Variants in PKHD1 observed in about 807,000 individuals in gnomAD.
PKHD1 encodes fibrocystin.
In PKHD1, 291 loss-of-function variants were observed where a neutral mutation model predicts 412.0. The observed-to-expected ratio is 0.71, with a 90% CI of 0.64 to 0.78. PKHD1 has a LOEUF of 0.78. Ranked by LOEUF, PKHD1 falls within the 30% of genes least tolerant of loss-of-function variation. The probability of loss-of-function intolerance (pLI) is 0.00; values close to 1 mark genes in which losing one functional copy is unlikely to be tolerated. For missense variants in PKHD1, 4,825 were observed against 4,950.7 expected (o/e 0.97, Z 0.76); for synonymous variants, 1,777 against 1,821.5 (o/e 0.98, Z 0.62).
intron 60 of PKHD1, among the ~76,000 whole-genome samples, chr6:51,709,931 G>A (rs12214235): frequency 6.6e-6 from 1 of 151,124 alleles, no homozygotes; most frequent in African/African-American, 2.4e-5. Context: ...GGAATTGGCT[G>A]GGCACGGTGG....
intron 52 of PKHD1, among the ~76,000 whole-genome samples, chr6:51,816,419 A>G (rs572740768): frequency 6.6e-6 from 1 of 152,318 alleles, no homozygotes; most frequent in African/African-American, 2.4e-5. Context: ...AGAGGAAAAG[A>G]GATAAGGAGA....
In PKHD1 at chr6:52,024,266, G is replaced by A. The variant is rs775508563; in HGVS notation, c.5236+308C>T. Among the ~76,000 whole-genome samples, 132 of 152,276 alleles carry A rather than the reference G, an allele frequency of 8.7e-4. 1 individual carries two copies. The highest frequency in any genetic ancestry group is 5.9e-4 in the Non-Finnish European group (40 of 68,016). On this transcript the variant is annotated intron_variant, in intron 32 of 66. Transcript: ENST00000371117. Reference sequence around the variant, plus strand: ...GGTGAAGGCATTTACGTTCTTAAATGATCAAATTATGAGCTCTTACAAATG... The same window carrying A: ...GGTGAAGGCATTTACGTTCTTAAATAATCAAATTATGAGCTCTTACAAATG...
chr6:51,793,305 G>A (rs188618753), intron 52 of PKHD1, among the ~76,000 whole-genome samples: 1 of 152,110 alleles, frequency 6.6e-6, no homozygotes, highest in Non-Finnish European at 1.5e-5. Context: ...AGCAAAATTT[G>A]TAAAAACAAG....
At chr6:51,696,727 C>G (rs609681) in intron 60 of PKHD1, among the ~76,000 whole-genome samples, 131,966 of 152,168 alleles carry the variant, frequency 0.87, 57,848 homozygotes, top group Middle Eastern at 0.95. Flanking sequence ...CCCTAGAGAA[C>G]TGTGCGTGGG....
intron 66 of PKHD1, among the ~76,000 whole-genome samples, chr6:51,623,658 A>G (rs1479945652): frequency 1.3e-5 from 2 of 152,092 alleles, no homozygotes; most frequent in Non-Finnish European, 2.9e-5. Flanking sequence ...ATCTTGGCCC[A>G]CTGCGCCCTC....
chr6:52,079,580 C>T (rs533161703), intron 5 of PKHD1, among the ~76,000 whole-genome samples: 2 of 152,224 alleles, frequency 1.3e-5, no homozygotes, highest in African/African-American at 2.4e-5. Context: ...CCATTTACTG[C>T]CTGATGACAT....
At chr6:51,622,945 T>C (rs1422149543) in intron 66 of PKHD1, 3 of 152,188 alleles carry the variant, frequency 2.0e-5, no homozygotes, top group African/African-American at 7.2e-5. Flanking sequence ...TACCTATATA[T>C]GATATCTATA....
intron 22 of PKHD1, among the ~76,000 whole-genome samples, chr6:52,048,835 T>C (rs1316891677): frequency 3.9e-5 from 6 of 152,240 alleles, no homozygotes; most frequent in Admixed American, 2.0e-4. Flanking sequence ...GCTAAAAACG[T>C]TGGCATTTAG....
intron 55 of PKHD1, among the ~76,000 whole-genome samples, chr6:51,770,419 C>T (rs548838748): frequency 6.6e-6 from 1 of 151,582 alleles, no homozygotes; most frequent in African/African-American, 2.4e-5. Flanking sequence ...TATTCTTATC[C>T]AATATTTAAC....
At chr6:51,649,927 C>CTA (rs1456632106) in intron 61 of PKHD1, among the ~76,000 whole-genome samples, 20 of 152,126 alleles carry the variant, frequency 1.3e-4, no homozygotes, top group African/African-American at 4.6e-4. Flanking sequence ...TGAGCACATA[C>CTA]TATATACCAA....
chr6:52,000,643 GA>G (rs1169283319), intron 35 of PKHD1, among the ~76,000 whole-genome samples: 1 of 152,188 alleles, frequency 6.6e-6, no homozygotes, highest in Non-Finnish European at 1.5e-5. Context: ...ACTGAGCACA[GA>G]AACTGTTATT....
At chr6:51,908,021 A>T (rs1202278393) in intron 40 of PKHD1, among the ~76,000 whole-genome samples, 3 of 152,118 alleles carry the variant, frequency 2.0e-5, no homozygotes, top group African/African-American at 7.2e-5. Context: ...TTGATAACTT[A>T]TTTGTGACAG....
At chr6:51,668,029 G>A (rs1188177289) in intron 60 of PKHD1, among the ~76,000 whole-genome samples, 2 of 152,044 alleles carry the variant, frequency 1.3e-5, no homozygotes, top group African/African-American at 4.8e-5. Flanking sequence ...GGTGATGCAG[G>A]CTCTTTTTTG....
At chr6:52,042,762 T>C (rs1805119031) in intron 27 of PKHD1, 97 bp downstream of exon 27, 1 of 1,100,588 alleles carries the variant, frequency 9.1e-7, no homozygotes, top group African/African-American at 1.5e-5. Context: ...TGAGTCACAG[T>C]GAATATGGAA....
intron 13 of PKHD1, among the ~76,000 whole-genome samples, chr6:52,064,333 G>A (rs922631334): frequency 6.6e-6 from 1 of 152,212 alleles, no homozygotes; most frequent in Non-Finnish European, 1.5e-5. Context: ...AAGTGCTCCA[G>A]TATTGTGCTC....
Position 51,746,755 on chromosome 6 carries a change from T to TA in PKHD1, c.9963dup (p.Lys3322Ter). On this transcript the variant is annotated frameshift_variant, in exon 59 of 67. Transcript: ENST00000371117. LOFTEE classifies it high-confidence loss of function. ...AATGAAGGAAAGTAGAACTTGTTTT[T>TA]ATCTTTTATCTTTAGCATCCTGGTC... is the stretch of plus-strand genomic sequence containing the variant. 1 of 1,610,418 alleles carries TA rather than the reference T, an allele frequency of 6.2e-7. No homozygotes were observed. The highest frequency in any genetic ancestry group is 8.5e-7 in the Non-Finnish European group (1 of 1,176,818).
chr6:51,668,641 C>T (rs1051870547), intron 60 of PKHD1, among the ~76,000 whole-genome samples: 26 of 152,212 alleles, frequency 1.7e-4, no homozygotes, highest in African/African-American at 5.3e-4. Flanking sequence ...AAAGGGAATG[C>T]TTCCAATTTT....
intron 55 of PKHD1, among the ~76,000 whole-genome samples, chr6:51,768,091 GT>G (rs1789436159): frequency 6.6e-6 from 1 of 151,854 alleles, no homozygotes; most frequent in Admixed American, 6.6e-5. Context: ...TTTTTCATGT[GT>G]TTTTTGGCTG....
intron 53 of PKHD1, among the ~76,000 whole-genome samples, chr6:51,782,420 T>C (rs1792179005): frequency 1.3e-5 from 2 of 152,148 alleles, no homozygotes; most frequent in African/African-American, 2.4e-5. Flanking sequence ...TTAGGGACTC[T>C]CCAAGCACAG....
Sources: gnomAD v4.1 joint callset for allele counts (sites outside exome capture counted in the v4.1 genomes callset) on GRCh38, gnomAD v4.1.1 for gene constraint, MANE v1.5 for transcripts, NCBI Gene and HGNC (gene_info 2026-07-23, HGNC 2026-07-21) for gene names.